The following GDAP1 variants were observed in gnomAD, a reference collection of about 807,000 sequenced individuals.
GDAP1 encodes ganglioside-induced differentiation-associated protein 1.
In GDAP1, 34 loss-of-function variants were observed where a neutral mutation model predicts 40.1. The ratio of observed to expected loss-of-function variants is 0.85; its 90% CI spans 0.64 to 1.13. GDAP1 has a LOEUF of 1.13. Ranked by LOEUF, GDAP1 falls within the 50% of genes most tolerant of loss-of-function variation. The pLI, the probability that GDAP1 is intolerant of heterozygous loss-of-function variation, is 0.00. For synonymous variants in GDAP1, 170 were observed against 157.4 expected (o/e 1.08, Z -0.60); for missense variants, 374 against 433.7 (o/e 0.86, Z 1.22).
chr8:74,394,397 T>A lies in GDAP1; in HGVS notation c.165+43076T>A, dbSNP rs76628442. 7.0e-4 allele frequency among the ~76,000 whole-genome samples: 107 copies of A among 152,280 alleles called. 1 individual carries two copies. The East Asian group carries it at 0.02, about 29-fold the overall frequency. On this transcript the variant is annotated intron_variant, in intron 2 of 2. Coordinates refer to the GDAP1 transcript ENST00000523640. ...CACAAACTCTGGTAAAATTCTCAGG[T>A]GAGTGTTTGCCTCAAGATAGGAGAG...
At chr8:74,437,945 T>C (rs1806113726) in intron 2 of GDAP1, among the ~76,000 whole-genome samples, 1 of 152,076 alleles carries the variant, frequency 6.6e-6, no homozygotes, top group Non-Finnish European at 1.5e-5. Flanking sequence ...TGTCCACATG[T>C]ATGAGAATTT....
At position 74,363,931 on chromosome 8, in the gene GDAP1, AGTCT is replaced by A. The variant is rs968096555; in HGVS notation, c.695-47_695-44del. The A allele has an allele frequency of 1.0e-5, 15 of 1,493,890 alleles. No homozygotes were observed. The African/African-American group carries it at 1.8e-4, about 18-fold the overall frequency. 92.5% of individuals were successfully genotyped at this position (1,493,890 alleles called of 1,614,324 possible). ...GGGTGAGACCACTGATACCAGCTGG[AGTCT>A]GTCTGTAGAGTGCTTGCCTCTAATT... On this transcript the variant is annotated intron_variant, in intron 5 of 5. Transcript: ENST00000220822.
Position 74,351,123 on chromosome 8 carries a change from A to G in GDAP1, c.118-151A>G, listed in dbSNP as rs1021994141. 5.5e-6 allele frequency: 4 copies of G among 729,224 alleles called. No individual in the cohort carries two copies. In the Admixed American group the frequency reaches 5.8e-5, roughly 11 times the overall value. 45.2% of individuals were successfully genotyped at this position (729,224 alleles called of 1,614,324 possible). On this transcript the variant is annotated intron_variant, in intron 1 of 5. Transcript: ENST00000220822. ...ATTTGTTGAGTATTGTTCTTTCCTT[A>G]CTTGTTAATTCCAGGAATAGGAATT...
At chr8:74,362,809 A>C in intron 4 of GDAP1, 130 bp from the exon 5 acceptor site, 1 of 62,296 alleles carries the variant, frequency 1.6e-5, no homozygotes, top group Non-Finnish European at 2.9e-5. Context: ...TTTTTTGCTG[A>C]GTTTTTCTAT....
At chr8:74,435,785 T>C (rs1806081246) in intron 2 of GDAP1, among the ~76,000 whole-genome samples, 1 of 152,238 alleles carries the variant, frequency 6.6e-6, no homozygotes, top group African/African-American at 2.4e-5. Context: ...TTGATTTCTC[T>C]TTACTTTTTC....
chr8:74,360,194 A>G lies in GDAP1; in HGVS notation c.368A>G (p.His123Arg), dbSNP rs397515442. 1 of 1,613,742 alleles carries G rather than the reference A, an allele frequency of 6.2e-7. No individual in the cohort carries two copies. The change falls in exon 3 of 6, where the codon CAT (histidine) becomes CGT (arginine). Residue 123 changes from histidine to arginine, a missense_variant. Transcript: ENST00000220822. ...AGCATGTATTACCCACGGGTACAAC[A>G]TTACCGAGAGCTGCTTGACTCCTTG... ...KESMYYPRVQ[H>R]YRELLDSLPM...
chr8:74,442,334 A>T (rs1806173172), intron 2 of GDAP1, among the ~76,000 whole-genome samples: 1 of 152,232 alleles, frequency 6.6e-6, no homozygotes, highest in African/African-American at 2.4e-5. Flanking sequence ...GACTCTCCTG[A>T]AAAGCTTATT....
At chr8:74,417,092 C>G (rs890713304) in intron 2 of GDAP1, among the ~76,000 whole-genome samples, 1 of 148,982 alleles carries the variant, frequency 6.7e-6, no homozygotes, top group Non-Finnish European at 1.5e-5. Flanking sequence ...GGGGTTTCTC[C>G]CATGGGAGCT....
intron 2 of GDAP1, among the ~76,000 whole-genome samples, chr8:74,385,060 G>A (rs973909513): frequency 6.6e-6 from 1 of 152,124 alleles, no homozygotes. Context: ...CACAGAACTG[G>A]AAAGGGACTT....
At chr8:74,449,876 G>T (rs1298229073) in intron 2 of GDAP1, among the ~76,000 whole-genome samples, 1 of 151,704 alleles carries the variant, frequency 6.6e-6, no homozygotes, top group African/African-American at 2.4e-5. Flanking sequence ...AATAATAAAT[G>T]AGTGTTAAAT....
chr8:74,378,792 TG>T (rs1809902046), intron 2 of GDAP1, among the ~76,000 whole-genome samples: 2 of 152,170 alleles, frequency 1.3e-5, no homozygotes, highest in Non-Finnish European at 1.5e-5. Flanking sequence ...CTCACACATA[TG>T]TATATATTCC....
At chr8:74,371,989 A>G (rs557310333) in intron 2 of GDAP1, among the ~76,000 whole-genome samples, 4 of 144,244 alleles carry the variant, frequency 2.8e-5, no homozygotes, top group South Asian at 2.2e-4. Context: ...TTATTGTTCA[A>G]TTCCCACCTA....
At chr8:74,457,644 C>T (rs1806352152) in intron 2 of GDAP1, among the ~76,000 whole-genome samples, 1 of 152,104 alleles carries the variant, frequency 6.6e-6, no homozygotes, top group South Asian at 2.1e-4. Context: ...GCTTGTTCAA[C>T]ATGTTAAACA....
chr8:74,469,821 A>G (rs1216088676), intron 2 of GDAP1, among the ~76,000 whole-genome samples: 1 of 151,714 alleles, frequency 6.6e-6, no homozygotes, highest in Non-Finnish European at 1.5e-5. Context: ...ACTAAAATAC[A>G]AAATTAGCTG....
At chr8:74,376,871 C>T (rs1159660805) in intron 2 of GDAP1, 3 of 152,046 alleles carry the variant, frequency 2.0e-5, no homozygotes, top group Non-Finnish European at 4.4e-5. Flanking sequence ...AGATCAATGG[C>T]ACAGAATAGA....
chr8:74,461,334 A>G (rs1358826724), intron 2 of GDAP1, among the ~76,000 whole-genome samples: 1 of 152,192 alleles, frequency 6.6e-6, no homozygotes, highest in African/African-American at 2.4e-5. Flanking sequence ...ATAAACATAC[A>G]TATTATTTAA....
chr8:74,454,893 A>T (rs995026252), intron 2 of GDAP1, among the ~76,000 whole-genome samples: 1 of 146,824 alleles, frequency 6.8e-6, no homozygotes, highest in Non-Finnish European at 1.5e-5. Context: ...TTGAAAACAC[A>T]TTCATCTTCT....
At chr8:74,361,311 C>G (rs544130088) in intron 3 of GDAP1, among the ~76,000 whole-genome samples, 7 of 152,298 alleles carry the variant, frequency 4.6e-5, no homozygotes, top group South Asian at 4.1e-4. Context: ...CAAGCCTGCA[C>G]TGAGCACTGT....
At chr8:74,408,093 A>G (rs1229988082) in intron 2 of GDAP1, among the ~76,000 whole-genome samples, 1 of 150,138 alleles carries the variant, frequency 6.7e-6, no homozygotes. Context: ...TAAGTTTTAC[A>G]ATTCTTTTAC....
Sources: allele counts gnomAD v4.1 joint callset (sites outside exome capture counted in the v4.1 genomes callset), GRCh38; gene constraint gnomAD v4.1.1; transcripts MANE v1.5; gene names NCBI Gene and HGNC (gene_info 2026-07-23, HGNC 2026-07-21).